The following SRGAP3 variants were observed in gnomAD, a reference collection of about 807,000 sequenced individuals.
SRGAP3 encodes SLIT-ROBO Rho GTPase-activating protein 3.
In SRGAP3, 39 loss-of-function variants were observed where a neutral mutation model predicts 121.1. The ratio of observed to expected loss-of-function variants is 0.32; its 90% CI spans 0.25 to 0.42. SRGAP3 has a LOEUF of 0.42. Among genes scored for constraint, SRGAP3 ranks in the 10% least tolerant of loss-of-function variants. The pLI is 1.00. For synonymous variants in SRGAP3, 601 were observed against 570.0 expected, an observed-to-expected ratio of 1.05 and a Z score of -0.77; for missense variants, 1,213 against 1,470.6, an observed-to-expected ratio of 0.82 and a Z score of 2.86.
Position 9,304,433 on chromosome 3 carries a change from G to A in SRGAP3, n.442+21577C>T, listed in dbSNP as rs575929932. On this transcript the variant is annotated intron_variant and non_coding_transcript_variant, in intron 3 of 3. Coordinates refer to the SRGAP3 transcript ENST00000490889. Reference sequence around the variant, plus strand: ...AGAACGGTAGAATGAAAATGGTATCGGGGAGGGGAGTGGAACTAGTAGGTC... The same window carrying A: ...AGAACGGTAGAATGAAAATGGTATCAGGGAGGGGAGTGGAACTAGTAGGTC... 4.6e-4 allele frequency among the ~76,000 whole-genome samples: 70 copies of A among 152,170 alleles called. 1 individual carries two copies. Among genetic ancestry groups the A allele is most frequent in the Admixed American group, 1.2e-3 (18 of 15,280 alleles).
At chr3:9,336,867 G>A (rs1955701365) in intron 1 of SRGAP3, among the ~76,000 whole-genome samples, 1 of 152,170 alleles carries the variant, frequency 6.6e-6, no homozygotes. Context: ...ATGGGCTCAT[G>A]TAATTATAGA....
intron 2 of SRGAP3, among the ~76,000 whole-genome samples, chr3:9,107,372 G>T (rs1175624386): frequency 6.6e-6 from 1 of 152,254 alleles, no homozygotes; most frequent in East Asian, 1.9e-4. Flanking sequence ...CAGAGCATCA[G>T]TTCTGCTGGA....
chr3:9,248,916 C>T lies in SRGAP3; in HGVS notation c.36G>A (p.Glu12=), dbSNP rs749378920. Residue 12 remains glutamate (E), a synonymous_variant, in exon 1 of 22, where the codon GAG becomes GAA. Coordinates refer to ENST00000383836, the MANE Select transcript of SRGAP3 (RefSeq NM_014850.4). ...SSQTKFKKDK[E]IIAEYEAQIK... is the part of the protein sequence containing the mutation. Reference sequence around the variant, plus strand: ...TTTGGGCTTCATATTCAGCAATGATCTCTTTGTCTTTCTTGAACTTAGTTT... The same window carrying T: ...TTTGGGCTTCATATTCAGCAATGATTTCTTTGTCTTTCTTGAACTTAGTTT... 6.2e-7 allele frequency: 1 copy of T among 1,614,208 alleles called. No individual in the cohort carries two copies. Among genetic ancestry groups the T allele is most frequent in the Non-Finnish European group, 8.5e-7 (1 of 1,180,038 alleles).
At chr3:9,196,871 C>A (rs535233395) in intron 1 of SRGAP3, among the ~76,000 whole-genome samples, 48 of 152,324 alleles carry the variant, frequency 3.2e-4, no homozygotes, top group Non-Finnish European at 4.0e-4. Context: ...CAGTTAGGTG[C>A]AGAAACAGGA....
chr3:9,093,957 G>A (rs1947864854), intron 3 of SRGAP3, among the ~76,000 whole-genome samples: 4 of 152,108 alleles, frequency 2.6e-5, no homozygotes, highest in Admixed American at 6.6e-5. Flanking sequence ...CAGAAAAGGA[G>A]AGCGAACAAT....
chr3:9,069,087 A>C (rs1459747461), intron 4 of SRGAP3, among the ~76,000 whole-genome samples: 2 of 152,238 alleles, frequency 1.3e-5, no homozygotes, highest in African/African-American at 4.8e-5. Context: ...TTCAAAGCCA[A>C]GGTGGCTGAC....
intron 18 of SRGAP3, 82 bp downstream of exon 18, chr3:9,010,226 C>G: frequency 1.3e-6 from 2 of 1,491,458 alleles, no homozygotes. Context: ...TCTATGTGGG[C>G]CAGCCCTGTG....
chr3:9,061,382 G>C (rs1946163344), intron 5 of SRGAP3, among the ~76,000 whole-genome samples: 2 of 152,026 alleles, frequency 1.3e-5, no homozygotes. Context: ...CAGCCTCCTT[G>C]GTCCATCCTT....
At chr3:9,129,096 T>C (rs1949345971) in intron 1 of SRGAP3, among the ~76,000 whole-genome samples, 1 of 152,176 alleles carries the variant, frequency 6.6e-6, no homozygotes, top group East Asian at 1.9e-4. Context: ...ATTTGACACA[T>C]TTTTAAAAAT....
Position 9,195,193 on chromosome 3 carries a change from G to A in SRGAP3, c.67+53692C>T, listed in dbSNP as rs540472343. 2.0e-5 allele frequency among the ~76,000 whole-genome samples: 3 copies of A among 152,340 alleles called. No homozygotes were observed. The East Asian group carries it at 5.8e-4, about 29-fold the overall frequency. The stretch of plus-strand genomic sequence containing the variant: ...CCAATAACCAAAAATAACTGCAAGT[G>A]CACAGATTTTTAAAACTGTAGTAAA... On this transcript the variant is annotated intron_variant, in intron 1 of 21. Transcript: ENST00000383836.
At chr3:9,166,534 T>C (rs1391416451) in intron 1 of SRGAP3, among the ~76,000 whole-genome samples, 1 of 152,146 alleles carries the variant, frequency 6.6e-6, no homozygotes, top group East Asian at 1.9e-4. Context: ...AGCCTCAACA[T>C]GCAGATGAAT....
In SRGAP3 at chr3:8,993,031, C is replaced by T; in HGVS notation, c.2433G>A (p.Leu811=). The change falls in exon 20 of 22, where the codon CTG becomes CTA. Residue 811 remains leucine, a synonymous_variant. Coordinates refer to ENST00000383836, the MANE Select transcript of SRGAP3 (RefSeq NM_014850.4). ...QDMDDAFSDS[L]SQKADSEASS... Reference sequence around the variant, plus strand: ...TGGCCTCGCTGTCAGCCTTCTGGCTCAGGCTGTCGGAGAAGGCATCATCCC... The same window carrying T: ...TGGCCTCGCTGTCAGCCTTCTGGCTTAGGCTGTCGGAGAAGGCATCATCCC... 1.9e-6 allele frequency: 3 copies of T among 1,614,208 alleles called. No homozygotes were observed. Among genetic ancestry groups the T allele is most frequent in the Non-Finnish European group, 2.5e-6 (3 of 1,180,046 alleles).
chr3:9,178,593 G>A (rs1012107309), intron 1 of SRGAP3, among the ~76,000 whole-genome samples: 4 of 152,308 alleles, frequency 2.6e-5, no homozygotes, highest in Admixed American at 2.6e-4. Flanking sequence ...GATCCAGAGA[G>A]GAATCAATCA....
intron 1 of SRGAP3, among the ~76,000 whole-genome samples, chr3:9,143,865 T>G (rs757834521): frequency 5.9e-5 from 9 of 152,138 alleles, no homozygotes; most frequent in Non-Finnish European, 1.2e-4. Flanking sequence ...ACCCTGACCT[T>G]GCCTTCCCCC....
chr3:9,269,700 C>G (rs1409899496), intron 3 of SRGAP3, among the ~76,000 whole-genome samples: 1 of 152,130 alleles, frequency 6.6e-6, no homozygotes, highest in East Asian at 1.9e-4. Context: ...AAACAGTTAT[C>G]CCAAGAGAGG....
At chr3:9,199,753 C>G (rs996528651) in intron 1 of SRGAP3, among the ~76,000 whole-genome samples, 5 of 152,198 alleles carry the variant, frequency 3.3e-5, no homozygotes, top group Admixed American at 2.6e-4. Context: ...CAAAGCATGG[C>G]TGATGGGAAA....
At chr3:9,223,605 G>T (rs747634999) in intron 1 of SRGAP3, among the ~76,000 whole-genome samples, 6 of 152,180 alleles carry the variant, frequency 3.9e-5, no homozygotes, top group Non-Finnish European at 8.8e-5. Context: ...GCATCACGGG[G>T]TTGCTAGGGA....
intron 1 of SRGAP3, among the ~76,000 whole-genome samples, chr3:9,140,196 C>T (rs1949800830): frequency 6.6e-6 from 1 of 151,898 alleles, no homozygotes; most frequent in African/African-American, 2.4e-5. Context: ...ACAGCATTGT[C>T]TATAGAAGTG....
intron 3 of SRGAP3, among the ~76,000 whole-genome samples, chr3:9,258,690 G>A (rs1954186542): frequency 6.6e-6 from 1 of 152,198 alleles, no homozygotes; most frequent in African/African-American, 2.4e-5. Flanking sequence ...CATACCAGGT[G>A]CTATCATTGC....
Sources: allele counts gnomAD v4.1 joint callset (sites outside exome capture counted in the v4.1 genomes callset), GRCh38; gene constraint gnomAD v4.1.1; transcripts MANE v1.5; gene names NCBI Gene and HGNC (gene_info 2026-07-23, HGNC 2026-07-21).